The following SYK variants were observed in gnomAD, a reference collection of about 807,000 sequenced individuals.
SYK encodes tyrosine-protein kinase SYK.
Under a neutral mutation model 77.8 loss-of-function variants are expected in SYK, and 16 were observed. The observed-to-expected ratio is 0.21, with a 90% confidence interval of 0.14 to 0.31. The LOEUF (loss-of-function observed/expected upper bound fraction) is 0.31. SYK is among the 10% of genes least tolerant of loss of function. The pLI, the probability that SYK is intolerant of heterozygous loss-of-function variation, is 1.00. For synonymous variants in SYK, 312 were observed against 308.7 expected, an observed-to-expected ratio of 1.01 and a Z score of -0.11; for missense variants, 529 against 814.4, an observed-to-expected ratio of 0.65 and a Z score of 4.26.
chr9:90,824,925 A>T (rs1255955984), intron 1 of SYK, among the ~76,000 whole-genome samples: 1 of 152,182 alleles, frequency 6.6e-6, no homozygotes, highest in Non-Finnish European at 1.5e-5. Context: ...GAAATAAGAC[A>T]TCTTTTTTCA....
chr9:90,817,341 T>C (rs1010083381), intron 1 of SYK, among the ~76,000 whole-genome samples: 1 of 152,220 alleles, frequency 6.6e-6, no homozygotes, highest in African/African-American at 2.4e-5. Context: ...TAATTTTATA[T>C]ATTTTAGATC....
chr9:90,857,707 C>T (rs2118751738), intron 3 of SYK, among the ~76,000 whole-genome samples: 1 of 152,320 alleles, frequency 6.6e-6, no homozygotes, highest in South Asian at 2.1e-4. Context: ...TTCGCTCCCA[C>T]ATCCTCCTCT....
intron 13 of SYK, among the ~76,000 whole-genome samples, chr9:90,889,700 G>C (rs1828718420): frequency 6.6e-6 from 1 of 152,252 alleles, no homozygotes; most frequent in African/African-American, 2.4e-5. Context: ...CAGGAGAGGA[G>C]CCTGGCCTGG....
At chr9:90,874,335 C>T (rs746032123) in intron 8 of SYK, 44 bp downstream of exon 8, 29 of 1,581,982 alleles carry the variant, frequency 1.8e-5, no homozygotes, top group Admixed American at 1.7e-4. Context: ...GAGCAAAGTG[C>T]GTGGTCACTT....
At chr9:90,891,490 C>G (rs763380302) in intron 13 of SYK, among the ~76,000 whole-genome samples, 1 of 152,070 alleles carries the variant, frequency 6.6e-6, no homozygotes, top group Non-Finnish European at 1.5e-5. Flanking sequence ...TCCAGGGATC[C>G]CTTTTCTATT....
chr9:90,820,158 A>G (rs1310476471), intron 1 of SYK, among the ~76,000 whole-genome samples: 1 of 152,114 alleles, frequency 6.6e-6, no homozygotes, highest in Admixed American at 6.5e-5. Context: ...AGCCTCCCTC[A>G]TGGCTGCTTT....
At chr9:90,862,146 C>A in intron 3 of SYK, 60 bp from the exon 4 acceptor site, 2 of 1,534,190 alleles carry the variant, frequency 1.3e-6, no homozygotes, top group Non-Finnish European at 1.8e-6. Flanking sequence ...TGCTTCCTCC[C>A]AGGGTCCCAC....
intron 6 of SYK, among the ~76,000 whole-genome samples, 183 bp from the exon 7 acceptor site, chr9:90,866,948 T>C (rs554272294): frequency 6.6e-6 from 1 of 152,364 alleles, no homozygotes; most frequent in Admixed American, 6.5e-5. Flanking sequence ...TCTTCCCAAG[T>C]GGCAGGCCCT....
chr9:90,877,285 C>T (rs1827974858), intron 9 of SYK, among the ~76,000 whole-genome samples: 1 of 152,186 alleles, frequency 6.6e-6, no homozygotes, highest in Non-Finnish European at 1.5e-5. Context: ...TCAAGCAATC[C>T]TCCCCTTTCA....
At chr9:90,866,059 C>T (rs940167993) in intron 6 of SYK, among the ~76,000 whole-genome samples, 27 of 152,180 alleles carry the variant, frequency 1.8e-4, no homozygotes, top group African/African-American at 6.0e-4. Context: ...CCACAACACC[C>T]GGCTAATTTT....
chr9:90,863,853 C>T (rs2118794997), intron 4 of SYK, among the ~76,000 whole-genome samples: 1 of 152,274 alleles, frequency 6.6e-6, no homozygotes, highest in East Asian at 1.9e-4. Context: ...GGCGTTCTGT[C>T]ACCATTTCAA....
Position 90,854,749 on chromosome 9 carries a change from C to T in SYK, c.579-7457C>T, listed in dbSNP as rs572254631. Among the ~76,000 whole-genome samples, 14 of 152,220 alleles carry T rather than the reference C, an allele frequency of 9.2e-5. No homozygotes were observed. The East Asian group carries it at 2.7e-3, about 29-fold the overall frequency. On this transcript the variant is annotated intron_variant, in intron 3 of 13. Transcript: ENST00000375754. ...AACCCCCATGCCACCACTGAATCCCCATGTGGCTTGTTCTTATATGCCCTG... is the reference window on the plus strand; with the variant it reads ...AACCCCCATGCCACCACTGAATCCCTATGTGGCTTGTTCTTATATGCCCTG...
Position 90,862,194 on chromosome 9 carries a change from C to G in SYK, c.579-12C>G. On this transcript the variant is annotated splice_polypyrimidine_tract_variant and intron_variant, in intron 3 of 13. Transcript: ENST00000375754. ...GGGCCTGGGGATGATGCAGTTCCATCCTCTCTTCTAGGATCCGAGCCAGAG... is the reference window on the plus strand; with the variant it reads ...GGGCCTGGGGATGATGCAGTTCCATGCTCTCTTCTAGGATCCGAGCCAGAG... 6.2e-7 allele frequency: 1 copy of G among 1,603,024 alleles called. No homozygotes were observed. The highest frequency in any genetic ancestry group is 8.5e-7 in the Non-Finnish European group (1 of 1,173,498).
intron 4 of SYK, among the ~76,000 whole-genome samples, chr9:90,862,892 A>C (rs180776546): frequency 1.3e-5 from 2 of 152,100 alleles, no homozygotes; most frequent in African/African-American, 2.4e-5. Flanking sequence ...TGCCCTCCTC[A>C]TTGTAAATCG....
In SYK at chr9:90,857,566, C is replaced by T. The variant is rs538761368; in HGVS notation, c.579-4640C>T. Among the ~76,000 whole-genome samples the T allele has an allele frequency of 9.8e-5, 15 of 152,322 alleles. No individual in the cohort carries two copies. In the South Asian group the frequency reaches 3.1e-3, roughly 32 times the overall value. The stretch of plus-strand genomic sequence containing the variant: ...ATCTTGCTCTTCTTTGTGTGGAATG[C>T]ACATGTGCCTCAGTAGTGCTATGGC... On this transcript the variant is annotated intron_variant, in intron 3 of 13. Coordinates refer to ENST00000375754, the MANE Select transcript of SYK (RefSeq NM_003177.7).
chr9:90,861,883 T>A (rs1000742149), intron 3 of SYK, among the ~76,000 whole-genome samples: 7 of 152,208 alleles, frequency 4.6e-5, no homozygotes, highest in African/African-American at 7.2e-5. Context: ...GCGTCACTGC[T>A]ACTGAGCACC....
chr9:90,896,507 CCT>C lies in SYK; in HGVS notation c.*908_*909del, dbSNP rs1828993482. ...CACAGAGAGGGTGCCGCCAGAATCC[CCT>C]GTCGCTTTCTGTGTCTGCAATGGGG... On this transcript the variant is annotated 3_prime_UTR_variant, in exon 14 of 14. Transcript: ENST00000375754. 1 of 233,012 alleles carries C rather than the reference CCT, an allele frequency of 4.3e-6. No homozygotes were observed. The highest frequency in any genetic ancestry group is 2.2e-5 in the African/African-American group (1 of 45,344). The allele number at this position is 233,012 out of a possible 1,614,324, so 14.4% of individuals were successfully genotyped here.
At chr9:90,823,255 G>T (rs1477648603) in intron 1 of SYK, among the ~76,000 whole-genome samples, 1 of 152,144 alleles carries the variant, frequency 6.6e-6, no homozygotes, top group Non-Finnish European at 1.5e-5. Context: ...ATCAAAATAT[G>T]CAAGACAAAC....
chr9:90,898,210 AGG>A lies in SYK; in HGVS notation c.*2612_*2613del, dbSNP rs1829067254. ...GGCCGTGAATATCTTGTCCCCCAGC[AGG>A]GCCGACAGTTTCTATCACAGAAAAC... On this transcript the variant is annotated 3_prime_UTR_variant, in exon 14 of 14. Coordinates refer to ENST00000375754, the MANE Select transcript of SYK (RefSeq NM_003177.7). The A allele has an allele frequency of 4.3e-6, 1 of 231,016 alleles. No individual in the cohort carries two copies. Among genetic ancestry groups the A allele is most frequent in the Non-Finnish European group, 8.6e-6 (1 of 116,700 alleles). The allele number at this position is 231,016 out of a possible 1,614,324, so 14.3% of individuals were successfully genotyped here.
Sources: gnomAD v4.1 joint callset for allele counts (sites outside exome capture counted in the v4.1 genomes callset) on GRCh38, gnomAD v4.1.1 for gene constraint, MANE v1.5 for transcripts, NCBI Gene and HGNC (gene_info 2026-07-23, HGNC 2026-07-21) for gene names.